The following CDKL5 variants were observed in gnomAD, a reference collection of about 807,000 sequenced individuals.
CDKL5 encodes the protein cyclin-dependent kinase-like 5.
A neutral mutation model predicts 61.7 loss-of-function variants in CDKL5; 8 were observed. The observed-to-expected ratio is 0.13, with a 90% CI of 0.08 to 0.23. The LOEUF (loss-of-function observed/expected upper bound fraction) is 0.23. Ranked by LOEUF, CDKL5 falls within the 10% of genes least tolerant of loss-of-function variation. The pLI is 1.00. For missense variants in CDKL5, 440 were observed against 734.5 expected (o/e 0.60, Z 4.63); for synonymous variants, 275 against 272.3 (o/e 1.01, Z -0.10).
intron 12 of CDKL5, among the ~76,000 whole-genome samples, chrX:18,605,484 A>G (rs1926332288): frequency 8.9e-6 from 1 of 111,790 alleles, no homozygotes; most frequent in Non-Finnish European, 1.9e-5. Flanking sequence ...AACCTGCTTA[A>G]AAGAAGTAGC....
At chrX:18,507,942 A>G (rs1437249314) in intron 2 of CDKL5, among the ~76,000 whole-genome samples, 2 of 111,593 alleles carry the variant, frequency 1.8e-5, no homozygotes, top group East Asian at 2.8e-4. Context: ...TCCCTTTCCT[A>G]ATAGTACATA....
chrX:18,640,932 C>T (rs1927552582), downstream of CDKL5: 1 of 113,095 alleles, frequency 8.8e-6, no homozygotes, highest in Non-Finnish European at 1.9e-5. Context: ...AAGCCAGGCC[C>T]ATTCCTTCCC....
At chrX:18,498,177 A>AT (rs1351976345) in intron 1 of CDKL5, among the ~76,000 whole-genome samples, 2 of 110,430 alleles carry the variant, frequency 1.8e-5, no homozygotes, top group African/African-American at 3.3e-5. Context: ...TAATATCCTG[A>AT]TTTTTTTACA....
At position 18,650,390 on chromosome X, in the gene CDKL5, G is replaced by T. The variant is rs980932278; in HGVS notation, c.2798-20G>T. 4.1e-6 allele frequency: 5 copies of T among 1,207,651 alleles called. No homozygotes were observed. The African/African-American group carries it at 7.0e-5, about 17-fold the overall frequency. On this transcript the variant is annotated intron_variant, in intron 20 of 21. Transcript: ENST00000379989. ...CCCGGGCCCCAAGCTTCATTCCACTGCCCTCTGAATATTTTCCAGGAGAAT... is the reference window on the plus strand; with the variant it reads ...CCCGGGCCCCAAGCTTCATTCCACTTCCCTCTGAATATTTTCCAGGAGAAT...
chrX:18,472,980 G>A (rs1337247653), intron 1 of CDKL5, among the ~76,000 whole-genome samples: 1 of 100,639 alleles, frequency 9.9e-6, no homozygotes, highest in East Asian at 3.1e-4. Context: ...TTTTGAGACA[G>A]GATCTTGCTC....
intron 1 of CDKL5, among the ~76,000 whole-genome samples, chrX:18,445,466 TTGTC>T (rs1209220831): frequency 8.9e-6 from 1 of 111,765 alleles, no homozygotes; most frequent in African/African-American, 3.3e-5. Flanking sequence ...CTTTATGTCT[TTGTC>T]TTTGTGCTAG....
At chrX:18,545,667 T>G (rs775084121) in intron 3 of CDKL5, among the ~76,000 whole-genome samples, 1 of 112,571 alleles carries the variant, frequency 8.9e-6, no homozygotes, top group East Asian at 2.8e-4. Flanking sequence ...TACTATAATC[T>G]TAGAGTTTGT....
In CDKL5 at chrX:18,625,074, C is replaced by A. The variant is rs901607364; in HGVS notation, c.2377-54C>A. On this transcript the variant is annotated intron_variant, in intron 16 of 17. Transcript: ENST00000623535. Reference sequence around the variant, plus strand: ...TCTCCTCTTGGGTGTGGTTGCATATCTTAATTAGGCTTCTCAGTGTGCTTA... The same window carrying A: ...TCTCCTCTTGGGTGTGGTTGCATATATTAATTAGGCTTCTCAGTGTGCTTA... 9.7e-5 allele frequency: 113 copies of A among 1,162,797 alleles called. 1 individual carries two copies. The highest frequency in any genetic ancestry group is 1.3e-4 in the Non-Finnish European group (109 of 854,915).
At chrX:18,514,506 A>G (rs1922939774) in intron 3 of CDKL5, among the ~76,000 whole-genome samples, 1 of 110,477 alleles carries the variant, frequency 9.1e-6, no homozygotes, top group African/African-American at 3.3e-5. Flanking sequence ...GAGGAGTTCA[A>G]GATCAGCCTG....
intron 3 of CDKL5, among the ~76,000 whole-genome samples, chrX:18,530,406 AC>A (rs1923602849): frequency 9.1e-6 from 1 of 110,368 alleles, no homozygotes; most frequent in East Asian, 2.8e-4. Context: ...GTTTCTACTG[AC>A]ATATCTTACA....
intron 1 of CDKL5, among the ~76,000 whole-genome samples, chrX:18,470,527 T>C (rs191558669): frequency 8.7e-4 from 97 of 111,153 alleles, no homozygotes; most frequent in African/African-American, 3.1e-3. Context: ...TACAGATTAA[T>C]TGCTGAATTT....
chrX:18,486,577 T>C (rs1255834177), intron 1 of CDKL5, among the ~76,000 whole-genome samples: 1 of 112,330 alleles, frequency 8.9e-6, no homozygotes, highest in Non-Finnish European at 1.9e-5. Context: ...ATTAAATCTT[T>C]TCATTTTAGG....
intron 20 of CDKL5, among the ~76,000 whole-genome samples, chrX:18,649,041 CAAAAAAA>C (rs746581850): frequency 5.9e-5 from 3 of 50,828 alleles, no homozygotes; most frequent in African/African-American, 2.1e-4. Context: ...GACACTGTCT[CAAAAAAA>C]AAAAAAAAAA....
chrX:18,506,276 T>C (rs1490790779), intron 1 of CDKL5, among the ~76,000 whole-genome samples: 1 of 111,258 alleles, frequency 9.0e-6, no homozygotes, highest in Non-Finnish European at 1.9e-5. Flanking sequence ...GGAACCCTAG[T>C]TCCTTTTATC....
At chrX:18,609,428 T>C in intron 13 of CDKL5, 37 bp from the exon 14 acceptor site, 1 of 1,211,228 alleles carries the variant, frequency 8.3e-7, no homozygotes, top group Non-Finnish European at 1.1e-6. Context: ...GTCATCAATG[T>C]GTGGCTTAAC....
intron 3 of CDKL5, among the ~76,000 whole-genome samples, chrX:18,522,484 A>G (rs1397981331): frequency 9.4e-6 from 1 of 106,339 alleles, no homozygotes; most frequent in Non-Finnish European, 1.9e-5. Flanking sequence ...AGCTGGTATT[A>G]CAGATGTGCA....
intron 3 of CDKL5, among the ~76,000 whole-genome samples, chrX:18,533,015 TA>T (rs1354752398): frequency 8.9e-6 from 1 of 112,187 alleles, no homozygotes; most frequent in Admixed American, 9.5e-5. Context: ...TTAAAATGAA[TA>T]TTTGTCTTTG....
chrX:18,587,254 C>T (rs965014769), intron 8 of CDKL5, among the ~76,000 whole-genome samples: 1 of 110,920 alleles, frequency 9.0e-6, no homozygotes, highest in Non-Finnish European at 1.9e-5. Flanking sequence ...ATACAACCTC[C>T]ATTTATTAAT....
At position 18,628,767 on chromosome X, in the gene CDKL5, G is replaced by A. The variant is rs1445680483; in HGVS notation, c.*10G>A. 1 of 926,967 alleles carries A rather than the reference G, an allele frequency of 1.1e-6. No homozygotes were observed. The highest frequency in any genetic ancestry group is 3.6e-5 in the Admixed American group (1 of 27,941). The allele number at this position is 926,967 out of a possible 1,213,427, so 76.4% of individuals were successfully genotyped here. Reference sequence around the variant, plus strand: ...AGAGACAGCCTTGTAATTTGTGCTGGTAGGGGGGAGGGGTGGACAGACAAG... The same window carrying A: ...AGAGACAGCCTTGTAATTTGTGCTGATAGGGGGGAGGGGTGGACAGACAAG... On this transcript the variant is annotated 3_prime_UTR_variant, in exon 18 of 18. Coordinates refer to ENST00000623535, the MANE Select transcript of CDKL5 (RefSeq NM_001323289.2).
Sources: gnomAD v4.1 joint callset for allele counts (sites outside exome capture counted in the v4.1 genomes callset) on GRCh38, gnomAD v4.1.1 for gene constraint, MANE v1.5 for transcripts, NCBI Gene and HGNC (gene_info 2026-07-23, HGNC 2026-07-21) for gene names.